The following RSPH3 variants were observed in gnomAD, a reference collection of about 807,000 sequenced individuals.
The protein encoded by RSPH3 is radial spoke head 3, also known as radial spoke head protein 3 homolog.
RSPH3 carries 21 observed loss-of-function variants against 43.8 expected under a neutral mutation model. The observed-to-expected ratio is 0.48, with a 90% CI of 0.34 to 0.69. RSPH3 has a LOEUF of 0.69. RSPH3 is among the 30% of genes least tolerant of loss of function. The pLI is 0.01. For missense variants in RSPH3, 487 were observed against 516.0 expected, an observed-to-expected ratio of 0.94 and a Z score of 0.54; for synonymous variants, 173 against 179.8, an observed-to-expected ratio of 0.96 and a Z score of 0.30.
rs374082109 is a variant in RSPH3, at chr6:158,975,473, C to T, written c.*2065G>A. The T allele has an allele frequency of 1.7e-4, 26 of 152,270 alleles. No homozygotes were observed. The East Asian group carries it at 3.5e-3, about 20-fold the overall frequency. The allele number at this position is 152,270 out of a possible 1,614,324, so 9.4% of individuals were successfully genotyped here. ...CTTTAGTCCTATTCCCTACTAGGCT[C>T]GTCATCTATTGCAAATCACTTTAAA... On this transcript the variant is annotated 3_prime_UTR_variant, in exon 8 of 8. Transcript: ENST00000367069.
the RSPH3 span, among the ~76,000 whole-genome samples, chr6:158,963,284 A>G: frequency 6.6e-6 from 1 of 151,708 alleles, no homozygotes; most frequent in African/African-American, 2.4e-5. Context: ...TCTTTTTCAT[A>G]ATTTATCTCC....
the RSPH3 span, among the ~76,000 whole-genome samples, chr6:158,967,382 T>G: frequency 6.6e-6 from 1 of 152,192 alleles, no homozygotes; most frequent in Non-Finnish European, 1.5e-5. Flanking sequence ...GGTATATTGT[T>G]TAATTTCCAC....
At position 158,980,838 on chromosome 6, in the gene RSPH3, G is replaced by T. The variant is rs762145078; in HGVS notation, c.795C>A (p.Asp265Glu). 5.6e-6 allele frequency: 9 copies of T among 1,614,046 alleles called. No homozygotes were observed. Among genetic ancestry groups the T allele is most frequent in the Non-Finnish European group, 7.6e-6 (9 of 1,180,014 alleles). ...ARAFAQRYLADLLPSVFGSLR... is the reference protein window; with the variant it reads ...ARAFAQRYLAELLPSVFGSLR... Reference sequence around the variant, plus strand: ...GGCTGCCAAAAACAGACGGGAGAAGGTCAGCCAGGTAACGCTGTGCAAATG... The same window carrying T: ...GGCTGCCAAAAACAGACGGGAGAAGTTCAGCCAGGTAACGCTGTGCAAATG... The change falls in exon 6 of 8, where the codon GAC becomes GAA. Residue 265 changes from aspartate to glutamate, a missense_variant. Asp to Glu is a conservative substitution (Grantham distance 45). Coordinates refer to ENST00000367069, the MANE Select transcript of RSPH3 (RefSeq NM_031924.8).
At position 158,989,634 on chromosome 6, in the gene RSPH3, C is replaced by A. The variant is rs1778342360; in HGVS notation, c.205-3213G>T. Reference sequence around the variant, plus strand: ...GGGCTGGAGATGGTAGTCTCACCTCCCCATTTTGTTTTTGGCTGTACTCAG... The same window carrying A: ...GGGCTGGAGATGGTAGTCTCACCTCACCATTTTGTTTTTGGCTGTACTCAG... On this transcript the variant is annotated intron_variant, in intron 2 of 7. Transcript: ENST00000367069. This position sits in a 1 kb window ranked among gnomAD's most constrained non-coding sequence, Gnocchi z 4.3. 6.6e-6 allele frequency among the ~76,000 whole-genome samples: 1 copy of A among 152,118 alleles called. No homozygotes were observed. The highest frequency in any genetic ancestry group is 1.5e-5 in the Non-Finnish European group (1 of 68,028).
intron 5 of RSPH3, among the ~76,000 whole-genome samples, chr6:158,982,041 C>T (rs1433497633): frequency 6.6e-6 from 1 of 152,106 alleles, no homozygotes; most frequent in Non-Finnish European, 1.5e-5. Context: ...AGGGCCTGGT[C>T]ACCGAGAAAA....
intron 2 of RSPH3, among the ~76,000 whole-genome samples, chr6:158,993,395 C>G (rs151094029): frequency 6.8e-6 from 1 of 147,702 alleles, no homozygotes; most frequent in African/African-American, 2.5e-5. Context: ...GGATTACAGG[C>G]GTGAGCCACC....
intron 1 of RSPH3, among the ~76,000 whole-genome samples, chr6:158,997,887 G>C (rs1778650312): frequency 6.6e-6 from 1 of 151,874 alleles, no homozygotes; most frequent in Non-Finnish European, 1.5e-5. Flanking sequence ...ATCTCTTATA[G>C]AAAAAGAATT....
chr6:158,977,594 C>T lies in RSPH3; in HGVS notation c.1201G>A (p.Gly401Arg). 1 of 1,614,058 alleles carries T rather than the reference C, an allele frequency of 6.2e-7. No homozygotes were observed. Among genetic ancestry groups the T allele is most frequent in the Non-Finnish European group, 8.5e-7 (1 of 1,180,000 alleles). ...CTCATTGCTGTTTCTTCATCTTGCC[C>T]TAAGAGTTCTCTCTCTTCCATAAAC... ...RKFMEERELL[G>R]QDEETAMRKS... Residue 401 changes from glycine (G) to arginine (R), a missense_variant, in exon 8 of 8, where the codon GGG (glycine) becomes AGG (arginine). Gly to Arg is a moderately radical substitution (Grantham distance 125, BLOSUM62 -2). Coordinates refer to ENST00000367069, the MANE Select transcript of RSPH3 (RefSeq NM_031924.8).
Position 158,999,514 on chromosome 6 carries a change from G to A in RSPH3, c.37C>T (p.Pro13Ser). The change falls in exon 1 of 8, where the codon CCG becomes TCG. Residue 13 changes from proline to serine, a missense_variant. By Grantham distance (74) the Pro-to-Ser change is moderately conservative (BLOSUM62 -1). Transcript: ENST00000367069. Reference sequence around the variant, plus strand: ...CGGCTGGTGTAGGTGTAGGTGCTCGGGGCCCGAGAGGTGCGATCAGTCAGC... The same window carrying A: ...CGGCTGGTGTAGGTGTAGGTGCTCGAGGCCCGAGAGGTGCGATCAGTCAGC... ...SALTDRTSRA[P>S]STYTYTSRPR... is the part of the protein sequence containing the mutation. 1 of 1,550,152 alleles carries A rather than the reference G, an allele frequency of 6.5e-7. No homozygotes were observed. Among genetic ancestry groups the A allele is most frequent in the Non-Finnish European group, 8.8e-7 (1 of 1,142,410 alleles).
In RSPH3 at chr6:158,989,381, T is replaced by C. The variant is rs1351230149; in HGVS notation, c.205-2960A>G. 6.6e-6 allele frequency among the ~76,000 whole-genome samples: 1 copy of C among 152,120 alleles called. No homozygotes were observed. The highest frequency in any genetic ancestry group is 6.5e-5 in the Admixed American group (1 of 15,272). ...TTATCACTAGATTGCTGCCTCCTTT[T>C]TGGCTCTAGGTGGTGCCTTAAGGCC... On this transcript the variant is annotated intron_variant, in intron 2 of 7. Coordinates refer to ENST00000367069, the MANE Select transcript of RSPH3 (RefSeq NM_031924.8). The surrounding 1 kb of genome is among the most constrained non-coding windows in gnomAD (Gnocchi z 4.3).
At chr6:158,992,071 G>A (rs1056427307) in intron 2 of RSPH3, among the ~76,000 whole-genome samples, 1 of 30,070 alleles carries the variant, frequency 3.3e-5, no homozygotes, top group East Asian at 1.1e-3. Context: ...TTTTTTTTTT[G>A]TAGACAGGGT....
chr6:158,995,289 C>A (rs1272289301), intron 1 of RSPH3, among the ~76,000 whole-genome samples: 1 of 152,202 alleles, frequency 6.6e-6, no homozygotes, highest in African/African-American at 2.4e-5. Context: ...CCCATTCCAA[C>A]TCATTACTTC....
In RSPH3 at chr6:158,973,604, T is replaced by C. The variant is rs1777741166; in HGVS notation, c.*3934A>G. On this transcript the variant is annotated 3_prime_UTR_variant, in exon 8 of 8. Coordinates refer to ENST00000367069, the MANE Select transcript of RSPH3 (RefSeq NM_031924.8). ...TGAGAAAGGCAAACCCCCTTCTCCATGGTGAAGACTACATGCTTGCATGTG... is the reference window on the plus strand; with the variant it reads ...TGAGAAAGGCAAACCCCCTTCTCCACGGTGAAGACTACATGCTTGCATGTG... The C allele has an allele frequency of 6.6e-6, 1 of 152,326 alleles. No individual in the cohort carries two copies. The highest frequency in any genetic ancestry group is 1.9e-4 in the East Asian group (1 of 5,186). 9.4% of individuals were successfully genotyped at this position (152,326 alleles called of 1,614,324 possible). A position where few individuals can be genotyped will look rare whatever the true frequency, so the allele number is the denominator to read the frequency against.
chr6:158,985,596 A>T (rs1363483521), intron 3 of RSPH3, among the ~76,000 whole-genome samples: 1 of 151,938 alleles, frequency 6.6e-6, no homozygotes, highest in Non-Finnish European at 1.5e-5. Context: ...ATGCTCAACC[A>T]ATTTTAAAAT....
chr6:158,978,316 AT>A lies in RSPH3; in HGVS notation c.889del (p.Met297Ter). 1 of 1,557,156 alleles carries A rather than the reference AT, an allele frequency of 6.4e-7. No homozygotes were observed. Among genetic ancestry groups the A allele is most frequent in the Non-Finnish European group, 8.8e-7 (1 of 1,130,610 alleles). ...DIEIGFLPWL[M>X]NEVEKTMEYS... ...TTCCATGGTTTTTTCAACTTCATTC[AT>A]TAGCCATGGAAGAAATCCTATCTCA... On this transcript the variant is annotated frameshift_variant, in exon 7 of 8. Coordinates refer to ENST00000367069, the MANE Select transcript of RSPH3 (RefSeq NM_031924.8). LOFTEE classifies it high-confidence loss of function.
chr6:158,991,513 T>TG (rs1239811566), intron 2 of RSPH3, among the ~76,000 whole-genome samples: 2 of 152,200 alleles, frequency 1.3e-5, no homozygotes, highest in Non-Finnish European at 2.9e-5. Flanking sequence ...CTGTCGACAC[T>TG]GGTGGTGGTG....
Position 158,977,866 on chromosome 6 carries a change from C to A in RSPH3, c.947-18G>T. On this transcript the variant is annotated intron_variant, in intron 7 of 7. Transcript: ENST00000367069. Reference sequence around the variant, plus strand: ...GATCAACACTGAAAAGTTAAATGTTCAGACATCACTATGATTTTCATATTA... The same window carrying A: ...GATCAACACTGAAAAGTTAAATGTTAAGACATCACTATGATTTTCATATTA... 6.4e-7 allele frequency: 1 copy of A among 1,572,578 alleles called. No homozygotes were observed. The highest frequency in any genetic ancestry group is 1.2e-5 in the South Asian group (1 of 85,284).
rs1249064264 is a variant in RSPH3, at chr6:158,989,108, GT to G, written c.205-2688del. On this transcript the variant is annotated intron_variant, in intron 2 of 7. Transcript: ENST00000367069. This position sits in a 1 kb window ranked among gnomAD's most constrained non-coding sequence, Gnocchi z 4.3. ...GTCACCCTGGCTGGAGTGCAGTGGT[GT>G]GATCTTGGCTCACTGCAACCTCTGC... Among the ~76,000 whole-genome samples, 1 of 120,794 alleles carries G rather than the reference GT, an allele frequency of 8.3e-6. No homozygotes were observed. Among genetic ancestry groups the G allele is most frequent in the African/African-American group, 2.8e-5 (1 of 35,416 alleles). 79.2% of individuals were successfully genotyped at this position (120,794 alleles called of 152,430 possible). A position where few individuals can be genotyped will look rare whatever the true frequency, so the allele number is the denominator to read the frequency against.
At chr6:158,984,445 T>TATAC (rs1778151608) in intron 3 of RSPH3, among the ~76,000 whole-genome samples, 1 of 112,374 alleles carries the variant, frequency 8.9e-6, no homozygotes, top group African/African-American at 4.2e-5. Context: ...TATATATATA[T>TATAC]ATATATATAT....
Sources: gnomAD v4.1 joint callset for allele counts (sites outside exome capture counted in the v4.1 genomes callset) on GRCh38, gnomAD v4.1.1 for gene constraint, Gnocchi (gnomAD v3.1) non-coding constraint, MANE v1.5 for transcripts, NCBI Gene and HGNC (gene_info 2026-07-23, HGNC 2026-07-21) for gene names.